DENND1A: variants seen among roughly 807,000 people sequenced by gnomAD.
DENND1A encodes DENN domain containing 1A.
A neutral mutation model predicts 113.7 loss-of-function variants in DENND1A; 51 were observed. The observed-to-expected ratio is 0.45, with a 90% CI of 0.36 to 0.57. DENND1A has a LOEUF of 0.57. Ranked by LOEUF, DENND1A falls within the 20% of genes least tolerant of loss-of-function variation. The pLI is 0.00. For synonymous variants in DENND1A, 565 were observed against 570.8 expected (o/e 0.99, Z 0.14); for missense variants, 1,258 against 1,395.9 (o/e 0.90, Z 1.57).
chr9:123,635,198 A>G (rs1397166099), intron 9 of DENND1A, among the ~76,000 whole-genome samples: 2 of 152,258 alleles, frequency 1.3e-5, no homozygotes, highest in Non-Finnish European at 2.9e-5. Context: ...TGAAATAAAA[A>G]TAAGAATGCC....
chr9:123,929,020 G>A, intron 1 of DENND1A: 1 of 560,464 alleles, frequency 1.8e-6, no homozygotes, highest in Non-Finnish European at 2.3e-6. Context: ...GAGGAAGGGA[G>A]AGGCCACAAG....
chr9:123,706,939 T>C (rs1327810694), intron 5 of DENND1A, among the ~76,000 whole-genome samples: 2 of 152,108 alleles, frequency 1.3e-5, no homozygotes, highest in Non-Finnish European at 2.9e-5. Flanking sequence ...GGATGTGTTA[T>C]ATAAAAATGC....
chr9:123,718,961 T>C (rs997971631), intron 5 of DENND1A, among the ~76,000 whole-genome samples: 1 of 152,166 alleles, frequency 6.6e-6, no homozygotes, highest in African/African-American at 2.4e-5. Flanking sequence ...GTTTCCCCCA[T>C]ACTGTTCTCG....
intron 5 of DENND1A, among the ~76,000 whole-genome samples, chr9:123,677,881 G>C (rs1311190546): frequency 1.3e-5 from 2 of 152,132 alleles, no homozygotes; most frequent in Non-Finnish European, 2.9e-5. Context: ...CACTTTTCTG[G>C]TTGTCCTCTG....
chr9:123,474,447 G>A lies in DENND1A; in HGVS notation c.994-16550C>T, dbSNP rs560145084. Among the ~76,000 whole-genome samples the A allele has an allele frequency of 7.2e-5, 11 of 152,280 alleles. No individual in the cohort carries two copies. The South Asian group carries it at 2.3e-3, about 32-fold the overall frequency. Reference sequence around the variant, plus strand: ...TTAAGCAAAAAGTTTAAAATTTTAAGCAAAAATTTTTAAGCAAAAAGCTCA... The same window carrying A: ...TTAAGCAAAAAGTTTAAAATTTTAAACAAAAATTTTTAAGCAAAAAGCTCA... On this transcript the variant is annotated intron_variant, in intron 13 of 23. Transcript: ENST00000394215.
intron 13 of DENND1A, among the ~76,000 whole-genome samples, chr9:123,501,037 A>G (rs1479645141): frequency 6.6e-6 from 1 of 152,206 alleles, no homozygotes; most frequent in African/African-American, 2.4e-5. Flanking sequence ...ATCACCATCT[A>G]TCTCCAGAAC....
At chr9:123,624,038 T>C (rs2061083844) in intron 10 of DENND1A, among the ~76,000 whole-genome samples, 1 of 152,246 alleles carries the variant, frequency 6.6e-6, no homozygotes, top group Admixed American at 6.5e-5. Flanking sequence ...GTGAAGTCTA[T>C]TATGCATAGA....
intron 19 of DENND1A, among the ~76,000 whole-genome samples, chr9:123,430,822 G>C (rs2046080471): frequency 6.6e-6 from 1 of 152,112 alleles, no homozygotes; most frequent in Non-Finnish European, 1.5e-5. Context: ...GTGTACCCTG[G>C]AACTTAAAGT....
intron 12 of DENND1A, among the ~76,000 whole-genome samples, chr9:123,560,832 T>C (rs1237116441): frequency 2.0e-5 from 3 of 152,082 alleles, no homozygotes; most frequent in East Asian, 1.9e-4. Context: ...CGGGTATCTA[T>C]AACTGATTTA....
At chr9:123,673,383 C>T (rs2063859915) in intron 6 of DENND1A, among the ~76,000 whole-genome samples, 1 of 152,222 alleles carries the variant, frequency 6.6e-6, no homozygotes, top group Non-Finnish European at 1.5e-5. Context: ...CCAGATATGA[C>T]TAGAGGGAGC....
At chr9:123,618,603 G>A (rs757022810) in intron 10 of DENND1A, among the ~76,000 whole-genome samples, 4 of 152,212 alleles carry the variant, frequency 2.6e-5, no homozygotes, top group Non-Finnish European at 5.9e-5. Flanking sequence ...AGGCTCAGAG[G>A]CAGATACAGT....
chr9:123,520,386 G>A (rs1287428490), intron 13 of DENND1A, among the ~76,000 whole-genome samples: 1 of 152,120 alleles, frequency 6.6e-6, no homozygotes, highest in African/African-American at 2.4e-5. Flanking sequence ...TGGAACCTGC[G>A]AGGTTGCAGT....
intron 6 of DENND1A, among the ~76,000 whole-genome samples, chr9:123,674,020 A>G (rs1399762339): frequency 6.6e-6 from 1 of 151,788 alleles, no homozygotes; most frequent in Admixed American, 6.6e-5. Context: ...ACACACCAGC[A>G]CTGGGCCACA....
At chr9:123,635,684 A>C (rs2061668438) in intron 9 of DENND1A, among the ~76,000 whole-genome samples, 1 of 152,264 alleles carries the variant, frequency 6.6e-6, no homozygotes, top group South Asian at 2.1e-4. Context: ...GTTACATTTA[A>C]CTAAGGTGTT....
intron 13 of DENND1A, among the ~76,000 whole-genome samples, chr9:123,458,600 T>C (rs2048314276): frequency 6.6e-6 from 1 of 152,120 alleles, no homozygotes; most frequent in African/African-American, 2.4e-5. Flanking sequence ...ATGTGAAGAT[T>C]TCTAAACTTT....
intron 21 of DENND1A, chr9:123,400,349 G>C (rs943986026): frequency 6.6e-6 from 1 of 152,190 alleles, no homozygotes; most frequent in Non-Finnish European, 1.5e-5. Flanking sequence ...AAAATCGTCC[G>C]TGCTTGCGCC....
At chr9:123,742,156 A>C (rs773523314) in intron 5 of DENND1A, among the ~76,000 whole-genome samples, 9 of 152,110 alleles carry the variant, frequency 5.9e-5, no homozygotes, top group Non-Finnish European at 1.3e-4. Context: ...GAAGTTGTCA[A>C]TTCCAATTGC....
At chr9:123,861,902 TACAG>T (rs1366842886) in intron 2 of DENND1A, among the ~76,000 whole-genome samples, 1 of 152,112 alleles carries the variant, frequency 6.6e-6, no homozygotes, top group African/African-American at 2.4e-5. Flanking sequence ...TAAGCACACT[TACAG>T]ACACTTTTTT....
At chr9:123,720,038 T>C (rs1039742137) in intron 5 of DENND1A, among the ~76,000 whole-genome samples, 2 of 152,160 alleles carry the variant, frequency 1.3e-5, no homozygotes, top group Non-Finnish European at 2.9e-5. Context: ...CGACCACAAA[T>C]CATAAAGGCT....
Sources: gnomAD v4.1 joint callset for allele counts (sites outside exome capture counted in the v4.1 genomes callset) on GRCh38, gnomAD v4.1.1 for gene constraint, MANE v1.5 for transcripts, NCBI Gene and HGNC (gene_info 2026-07-23, HGNC 2026-07-21) for gene names.